The following EFCAB13 variants were observed in gnomAD, a reference collection of about 807,000 sequenced individuals.
The protein encoded by EFCAB13 is EF-hand calcium-binding domain-containing protein 13.
In EFCAB13, 91 loss-of-function variants were observed where a neutral mutation model predicts 110.2. The ratio of observed to expected loss-of-function variants is 0.83; its 90% CI spans 0.70 to 0.98. The LOEUF (loss-of-function observed/expected upper bound fraction) is 0.98, where lower values mean the gene tolerates loss of function less well. Ranked by LOEUF, EFCAB13 falls within the 50% of genes least tolerant of loss-of-function variation. The pLI is 0.00. For missense variants in EFCAB13, 968 were observed against 1,119.4 expected, an observed-to-expected ratio of 0.86 and a Z score of 1.93; for synonymous variants, 323 against 369.9, an observed-to-expected ratio of 0.87 and a Z score of 1.45.
intron 24 of EFCAB13, among the ~76,000 whole-genome samples, chr17:47,438,247 T>C (rs967776098): frequency 6.6e-6 from 1 of 152,218 alleles, no homozygotes; most frequent in Non-Finnish European, 1.5e-5. Flanking sequence ...GATAACCTGA[T>C]GACAATGTGC....
chr17:47,387,973 A>G (rs1036646299), intron 14 of EFCAB13, among the ~76,000 whole-genome samples: 6 of 152,234 alleles, frequency 3.9e-5, no homozygotes, highest in Admixed American at 3.3e-4. Flanking sequence ...GCGATACTCT[A>G]GCTGTGTGGG....
In EFCAB13 at chr17:47,382,838, G is replaced by A. The variant is rs2065654565; in HGVS notation, c.1582+3585G>A. On this transcript the variant is annotated intron_variant, in intron 14 of 24. Transcript: ENST00000331493. The stretch of plus-strand genomic sequence containing the variant: ...GGAGTCCCCCCTTTTCTGTTGTTTG[G>A]AATAGTTTCAGAAGGAATGCTACCA... Among the ~76,000 whole-genome samples, 3 of 152,100 alleles carry A rather than the reference G, an allele frequency of 2.0e-5. No individual in the cohort carries two copies. In the South Asian group the frequency reaches 6.2e-4, roughly 32 times the overall value.
At chr17:47,388,554 A>T (rs2065689067) in intron 14 of EFCAB13, among the ~76,000 whole-genome samples, 1 of 152,162 alleles carries the variant, frequency 6.6e-6, no homozygotes, top group Non-Finnish European at 1.5e-5. Flanking sequence ...CTGGTTTCTA[A>T]GGTTAATTTA....
chr17:47,366,990 C>A (rs548030753), intron 10 of EFCAB13, among the ~76,000 whole-genome samples: 30 of 152,290 alleles, frequency 2.0e-4, no homozygotes, highest in African/African-American at 7.0e-4. Flanking sequence ...TTTCAGTGAT[C>A]AGATTCAAGA....
At chr17:47,384,014 G>C (rs1168849661) in intron 14 of EFCAB13, among the ~76,000 whole-genome samples, 1 of 152,070 alleles carries the variant, frequency 6.6e-6, no homozygotes, top group Non-Finnish European at 1.5e-5. Context: ...TATGAATCGG[G>C]GTACTCCTGC....
intron 4 of EFCAB13, among the ~76,000 whole-genome samples, chr17:47,333,046 T>C (rs1327189913): frequency 1.3e-5 from 2 of 152,220 alleles, no homozygotes; most frequent in East Asian, 3.8e-4. Context: ...AGATGTTCCC[T>C]TTTCTCCACA....
At chr17:47,377,669 A>G in intron 12 of EFCAB13, 97 bp from the exon 13 acceptor site, 1 of 1,073,260 alleles carries the variant, frequency 9.3e-7, no homozygotes, top group South Asian at 1.9e-5. Flanking sequence ...TATAAAATAG[A>G]TAAAACTTGT....
At chr17:47,433,923 CA>C (rs1466199740) in intron 24 of EFCAB13, among the ~76,000 whole-genome samples, 4 of 151,914 alleles carry the variant, frequency 2.6e-5, no homozygotes, top group African/African-American at 9.7e-5. Flanking sequence ...ACAAATATGA[CA>C]AAATGATATA....
chr17:47,378,975 G>A (rs1161680917), intron 13 of EFCAB13, among the ~76,000 whole-genome samples: 1 of 152,048 alleles, frequency 6.6e-6, no homozygotes, highest in Non-Finnish European at 1.5e-5. Context: ...TCGGTGCCTA[G>A]CATGGTTCTT....
intron 23 of EFCAB13, among the ~76,000 whole-genome samples, chr17:47,420,966 G>A (rs1904673816): frequency 6.8e-6 from 1 of 147,632 alleles, no homozygotes; most frequent in East Asian, 2.0e-4. Context: ...TGCCCAGCCA[G>A]CCGCCCCGTC....
chr17:47,331,089 A>G (rs955120863), intron 4 of EFCAB13, among the ~76,000 whole-genome samples: 15 of 152,008 alleles, frequency 9.9e-5, no homozygotes, highest in Admixed American at 9.2e-4. Context: ...ATATCTGTTC[A>G]TGTTATTTTC....
chr17:47,382,739 AT>A (rs2065653820), intron 14 of EFCAB13, among the ~76,000 whole-genome samples: 1 of 151,918 alleles, frequency 6.6e-6, no homozygotes, highest in South Asian at 2.1e-4. Context: ...TTGGCCCCAA[AT>A]TTTCTTTTTT....
chr17:47,440,181 T>C (rs1321904966), intron 24 of EFCAB13, among the ~76,000 whole-genome samples: 2 of 152,140 alleles, frequency 1.3e-5, no homozygotes, highest in Non-Finnish European at 2.9e-5. Flanking sequence ...ACTGGTGGCA[T>C]AGGTTTTTAA....
In EFCAB13 at chr17:47,391,337, AT is replaced by A. The variant is rs1034681974; in HGVS notation, c.1583-95del. On this transcript the variant is annotated intron_variant, in intron 14 of 24. Transcript: ENST00000331493. ...ATATAACACTGCTGAAGTGATTTAT[AT>A]TTTTGTTAATTTAGTGTTAGAACTA... 4 of 857,176 alleles carry A rather than the reference AT, an allele frequency of 4.7e-6. No individual in the cohort carries two copies. The African/African-American group carries it at 5.4e-5, about 11-fold the overall frequency. The allele number at this position is 857,176 out of a possible 1,614,324, so 53.1% of individuals were successfully genotyped here.
intron 11 of EFCAB13, among the ~76,000 whole-genome samples, chr17:47,371,799 G>GGGTTTA (rs1471597679): frequency 2.6e-5 from 4 of 151,932 alleles, no homozygotes; most frequent in Non-Finnish European, 1.5e-5. Context: ...TTTTTAGTAG[G>GGGTTTA]GATGGGGTTT....
chr17:47,335,831 G>A (rs1213019420), intron 5 of EFCAB13, among the ~76,000 whole-genome samples: 1 of 152,098 alleles, frequency 6.6e-6, no homozygotes, highest in Non-Finnish European at 1.5e-5. Context: ...AGTATCATGA[G>A]AACAACAAGT....
chr17:47,402,463 A>G (rs2065784274), intron 18 of EFCAB13, among the ~76,000 whole-genome samples: 1 of 152,252 alleles, frequency 6.6e-6, no homozygotes, highest in Admixed American at 6.5e-5. Flanking sequence ...TGGAGGAGCC[A>G]AGAGAATAGG....
At chr17:47,333,799 T>A (rs956473980) in intron 4 of EFCAB13, among the ~76,000 whole-genome samples, 2 of 152,218 alleles carry the variant, frequency 1.3e-5, no homozygotes, top group Non-Finnish European at 2.9e-5. Flanking sequence ...GTGTGTCCTA[T>A]TGATTGGTTA....
intron 9 of EFCAB13, among the ~76,000 whole-genome samples, chr17:47,354,813 C>A (rs940344720): frequency 2.6e-5 from 4 of 152,138 alleles, no homozygotes; most frequent in African/African-American, 9.7e-5. Context: ...TTGGTGAATT[C>A]TTATCCATTC....
Sources: allele counts gnomAD v4.1 joint callset (sites outside exome capture counted in the v4.1 genomes callset), GRCh38; gene constraint gnomAD v4.1.1; transcripts MANE v1.5; gene names NCBI Gene and HGNC (gene_info 2026-07-23, HGNC 2026-07-21).